The following RANBP17 variants were observed in gnomAD, a reference collection of about 807,000 sequenced individuals.
RANBP17 encodes the protein ran-binding protein 17.
In RANBP17, 158 loss-of-function variants were observed where a neutral mutation model predicts 141.2. The observed-to-expected ratio is 1.12, with a 90% CI of 0.98 to 1.28. The LOEUF is 1.28. Among genes scored for constraint, RANBP17 ranks in the 50% most tolerant of loss-of-function variants. The pLI is 0.00. For synonymous variants in RANBP17, 430 were observed against 450.0 expected, an observed-to-expected ratio of 0.96 and a Z score of 0.56; for missense variants, 1,438 against 1,290.7, an observed-to-expected ratio of 1.11 and a Z score of -1.75.
chr5:170,955,606 ATATG>A (rs1775598047), intron 13 of RANBP17, among the ~76,000 whole-genome samples: 1 of 85,354 alleles, frequency 1.2e-5, no homozygotes, highest in Non-Finnish European at 2.2e-5. Context: ...ATATATATAT[ATATG>A]CTCAGTGTAT....
intron 14 of RANBP17, among the ~76,000 whole-genome samples, chr5:171,038,904 T>A (rs149509572): frequency 2.4e-4 from 36 of 152,246 alleles, no homozygotes; most frequent in African/African-American, 8.7e-4. Flanking sequence ...TCATCATGGG[T>A]ATTGACTTGT....
intron 24 of RANBP17, among the ~76,000 whole-genome samples, chr5:171,254,854 C>G (rs891126667): frequency 3.3e-5 from 5 of 152,096 alleles, no homozygotes; most frequent in African/African-American, 1.2e-4. Context: ...TTTGCTAAAA[C>G]TGTTGACTAT....
intron 14 of RANBP17, among the ~76,000 whole-genome samples, chr5:171,101,622 A>G (rs1787170436): frequency 1.3e-5 from 2 of 152,220 alleles, no homozygotes; most frequent in African/African-American, 2.4e-5. Context: ...TTATGTGTGA[A>G]TATGATCCTG....
chr5:171,150,540 A>G (rs1758401046), intron 14 of RANBP17, among the ~76,000 whole-genome samples: 1 of 152,122 alleles, frequency 6.6e-6, no homozygotes, highest in African/African-American at 2.4e-5. Flanking sequence ...TATAGTATTT[A>G]TAAATACCTT....
intron 24 of RANBP17, among the ~76,000 whole-genome samples, chr5:171,257,893 G>T (rs1766007095): frequency 1.3e-5 from 2 of 151,876 alleles, no homozygotes; most frequent in African/African-American, 4.8e-5. Flanking sequence ...ATCACCTGAG[G>T]TCGGGAGTTC....
chr5:170,933,054 G>A (rs1271960399), intron 12 of RANBP17, among the ~76,000 whole-genome samples: 2 of 152,018 alleles, frequency 1.3e-5, no homozygotes, highest in Non-Finnish European at 2.9e-5. Flanking sequence ...ACTTTTTTTG[G>A]TTGGTAGGCT....
chr5:171,100,203 G>T (rs1787047431), intron 14 of RANBP17, among the ~76,000 whole-genome samples: 1 of 152,072 alleles, frequency 6.6e-6, no homozygotes, highest in Non-Finnish European at 1.5e-5. Context: ...TTGTACCTCT[G>T]GTAGAATTTG....
At chr5:170,875,198 T>TTG (rs1768080988) in intron 1 of RANBP17, among the ~76,000 whole-genome samples, 1 of 152,176 alleles carries the variant, frequency 6.6e-6, no homozygotes, top group Admixed American at 6.5e-5. Flanking sequence ...GAGAGATCTG[T>TTG]TGTTAGTCTG....
chr5:171,271,846 C>T (rs1022423131), intron 25 of RANBP17, among the ~76,000 whole-genome samples: 3 of 152,110 alleles, frequency 2.0e-5, no homozygotes, highest in African/African-American at 7.2e-5. Flanking sequence ...GTTTTAACAG[C>T]AATCAATGCA....
At chr5:171,015,650 AT>A (rs986425675) in intron 14 of RANBP17, among the ~76,000 whole-genome samples, 2 of 151,972 alleles carry the variant, frequency 1.3e-5, no homozygotes, top group Non-Finnish European at 2.9e-5. Context: ...TTGCAGACAT[AT>A]TTTTTTGTAT....
chr5:171,252,633 C>A (rs1303285653), intron 24 of RANBP17: 1 of 1,359,970 alleles, frequency 7.4e-7, no homozygotes, highest in East Asian at 2.3e-5. Flanking sequence ...TTACAAAACT[C>A]TCTTACCAGG....
chr5:171,089,183 G>A (rs1389168343), intron 14 of RANBP17, among the ~76,000 whole-genome samples: 2 of 146,596 alleles, frequency 1.4e-5, no homozygotes, highest in Non-Finnish European at 3.0e-5. Flanking sequence ...TAACAGACAG[G>A]ACCCTCAGCT....
intron 14 of RANBP17, among the ~76,000 whole-genome samples, chr5:171,078,079 A>G (rs1049065203): frequency 6.6e-6 from 1 of 152,132 alleles, no homozygotes; most frequent in Non-Finnish European, 1.5e-5. Context: ...AGAGCTAGCT[A>G]AGATGATTGG....
intron 14 of RANBP17, among the ~76,000 whole-genome samples, chr5:171,053,925 A>ATATATATATAT (rs1491125081): frequency 9.3e-5 from 3 of 32,370 alleles, no homozygotes; most frequent in African/African-American, 1.8e-4. Context: ...ATATATATAT[A>ATATATATATAT]ATTGCTGTAT....
intron 22 of RANBP17, among the ~76,000 whole-genome samples, chr5:171,225,007 T>G (rs1055887562): frequency 1.3e-5 from 2 of 152,192 alleles, no homozygotes; most frequent in Non-Finnish European, 2.9e-5. Context: ...GAGAATTCAG[T>G]TAGGTAATGT....
At chr5:170,995,762 A>G (rs995270528) in intron 14 of RANBP17, among the ~76,000 whole-genome samples, 2 of 152,142 alleles carry the variant, frequency 1.3e-5, no homozygotes, top group African/African-American at 4.8e-5. Context: ...GTTTTACATG[A>G]TTGATGTTTT....
At chr5:171,116,017 T>C (rs1642949913) in intron 14 of RANBP17, among the ~76,000 whole-genome samples, 1 of 152,084 alleles carries the variant, frequency 6.6e-6, no homozygotes, top group African/African-American at 2.4e-5. Context: ...TTTAATGAAA[T>C]TGTGACTTTG....
At chr5:170,968,689 C>CT (rs1776770883) in intron 14 of RANBP17, 2 of 469,050 alleles carry the variant, frequency 4.3e-6, no homozygotes, top group Non-Finnish European at 8.4e-6. Flanking sequence ...ATAAGATTTG[C>CT]TTTTTTAGTA....
chr5:171,026,454 C>T (rs1405478726), intron 14 of RANBP17, among the ~76,000 whole-genome samples: 1 of 152,176 alleles, frequency 6.6e-6, no homozygotes, highest in Non-Finnish European at 1.5e-5. Context: ...GCGAAAACTC[C>T]TGCAATTTCT....
Sources: allele counts gnomAD v4.1 joint callset (sites outside exome capture counted in the v4.1 genomes callset), GRCh38; gene constraint gnomAD v4.1.1; transcripts MANE v1.5; gene names NCBI Gene and HGNC (gene_info 2026-07-23, HGNC 2026-07-21).